ANKHD1: variants seen among roughly 807,000 people sequenced by gnomAD.
The protein encoded by ANKHD1 is ankyrin repeat and KH domain-containing protein 1.
Under a neutral mutation model 230.5 loss-of-function variants are expected in ANKHD1, and 31 were observed. The ratio of observed to expected loss-of-function variants is 0.13; its 90% CI spans 0.10 to 0.18. The LOEUF (loss-of-function observed/expected upper bound fraction) is 0.18, where lower values mean the gene tolerates loss of function less well. Among genes scored for constraint, ANKHD1 ranks in the 10% least tolerant of loss-of-function variants. The pLI is 1.00. For missense variants in ANKHD1, 2,256 were observed against 3,071.3 expected, an observed-to-expected ratio of 0.73 and a Z score of 6.27; for synonymous variants, 1,074 against 1,117.6, an observed-to-expected ratio of 0.96 and a Z score of 0.78.
At chr5:140,423,324 G>T (rs1029105382) in intron 1 of ANKHD1, among the ~76,000 whole-genome samples, 6 of 152,164 alleles carry the variant, frequency 3.9e-5, no homozygotes, top group African/African-American at 1.4e-4. Context: ...TTCTGTGACA[G>T]TCCAAGATAC....
chr5:140,484,102 G>A (rs959922239), intron 11 of ANKHD1, among the ~76,000 whole-genome samples: 3 of 152,158 alleles, frequency 2.0e-5, no homozygotes, highest in African/African-American at 7.2e-5. Flanking sequence ...TTATTGCTGC[G>A]TTTTACCTTT....
At chr5:140,511,703 A>T (rs1432716561) in intron 22 of ANKHD1, among the ~76,000 whole-genome samples, 1 of 152,222 alleles carries the variant, frequency 6.6e-6, no homozygotes, top group East Asian at 1.9e-4. Context: ...ATATAGTGAA[A>T]TGCATGAATC....
rs1284244610 is a variant in ANKHD1, at chr5:140,529,066, C to T, written c.6120C>T (p.Asn2040=). Residue 2040 remains asparagine (N), a synonymous_variant, in exon 29 of 34, where the codon AAC becomes AAT. Transcript: ENST00000360839. ...CCACACAGGACCAGCCCATGGCAAA[C>T]CTATGTACCCCATCTTCAACTGCAA... ...KVSTQDQPMA[N]LCTPSSTANS... is the part of the protein sequence containing the mutation. 1.9e-6 allele frequency: 3 copies of T among 1,613,904 alleles called. No individual in the cohort carries two copies. The highest frequency in any genetic ancestry group is 1.3e-5 in the African/African-American group (1 of 74,918).
At chr5:140,449,384 T>G in intron 7 of ANKHD1, 79 bp downstream of exon 7, 1 of 1,498,538 alleles carries the variant, frequency 6.7e-7, no homozygotes, top group South Asian at 1.2e-5. Flanking sequence ...AGTGATTAAT[T>G]GCCAGTGCGG....
chr5:140,414,471 A>G (rs1771191536), intron 1 of ANKHD1, among the ~76,000 whole-genome samples: 1 of 152,136 alleles, frequency 6.6e-6, no homozygotes, highest in South Asian at 2.1e-4. Context: ...ATCTTTTCAT[A>G]TGCTTATTGG....
intron 8 of ANKHD1, 32 bp downstream of exon 8, chr5:140,458,894 A>G (rs746708176): frequency 2.6e-6 from 4 of 1,547,644 alleles, no homozygotes; most frequent in Non-Finnish European, 1.7e-6. Flanking sequence ...TAGAAAAATC[A>G]GTTTTCTTTG....
chr5:140,492,936 C>T (rs1302457906), intron 14 of ANKHD1, among the ~76,000 whole-genome samples: 2 of 152,064 alleles, frequency 1.3e-5, no homozygotes, highest in Non-Finnish European at 2.9e-5. Flanking sequence ...AAATAAAGGC[C>T]ATGTTTAAGC....
chr5:140,503,468 C>G (rs940815564), intron 15 of ANKHD1, among the ~76,000 whole-genome samples: 1 of 151,676 alleles, frequency 6.6e-6, no homozygotes, highest in Non-Finnish European at 1.5e-5. Context: ...CCTGTTTCCC[C>G]CCGTGGTCAA....
In ANKHD1 at chr5:140,539,588, C is replaced by T; in HGVS notation, c.*170C>T. The T allele has an allele frequency of 1.3e-6, 1 of 742,854 alleles. No homozygotes were observed. The highest frequency in any genetic ancestry group is 2.1e-6 in the Non-Finnish European group (1 of 480,218). The allele number at this position is 742,854 out of a possible 1,614,324, so 46.0% of individuals were successfully genotyped here. A position where few individuals can be genotyped will look rare whatever the true frequency, so the allele number is the denominator to read the frequency against. ...GATTTCCTATCCACCTGATTATGTT[C>T]TCTGGTTAGTTTAGCCATTTTGAAC... On this transcript the variant is annotated 3_prime_UTR_variant, in exon 34 of 34. Coordinates refer to ENST00000360839, the MANE Select transcript of ANKHD1 (RefSeq NM_017747.3).
chr5:140,417,847 T>A (rs1223586609), intron 1 of ANKHD1, among the ~76,000 whole-genome samples: 11 of 146,960 alleles, frequency 7.5e-5, no homozygotes, highest in Admixed American at 7.5e-4. Flanking sequence ...TTTTTTTTTT[T>A]TTTTTTTGAG....
At chr5:140,520,466 A>G (rs1388313534) in intron 24 of ANKHD1, among the ~76,000 whole-genome samples, 2 of 152,156 alleles carry the variant, frequency 1.3e-5, no homozygotes, top group South Asian at 4.1e-4. Flanking sequence ...GCTACTATAA[A>G]GACACATGCA....
intron 6 of ANKHD1, among the ~76,000 whole-genome samples, chr5:140,447,528 G>GT (rs1774386656): frequency 6.6e-6 from 1 of 152,120 alleles, no homozygotes. Context: ...TTCTTACAAT[G>GT]TAACTTTTGA....
chr5:140,505,007 G>C (rs750943443), intron 16 of ANKHD1, 41 bp downstream of exon 16: 1 of 1,609,846 alleles, frequency 6.2e-7, no homozygotes, highest in South Asian at 1.1e-5. Flanking sequence ...TGCACATTCT[G>C]ATCTTCTTTG....
intron 10 of ANKHD1, among the ~76,000 whole-genome samples, chr5:140,481,318 T>A (rs1258748056): frequency 6.6e-6 from 1 of 152,090 alleles, no homozygotes; most frequent in East Asian, 1.9e-4. Flanking sequence ...TGAATGTGAG[T>A]TCAAGATCTA....
chr5:140,525,505 A>G (rs1322339201), intron 25 of ANKHD1, among the ~76,000 whole-genome samples: 1 of 152,172 alleles, frequency 6.6e-6, no homozygotes. Context: ...CAAGTAATCA[A>G]TCCACCTGCC....
At chr5:140,424,491 T>G (rs888707180) in intron 1 of ANKHD1, among the ~76,000 whole-genome samples, 5 of 152,116 alleles carry the variant, frequency 3.3e-5, no homozygotes, top group African/African-American at 1.2e-4. Flanking sequence ...AGATGATATG[T>G]TCAAAAACTA....
chr5:140,427,172 C>G (rs896069900), intron 1 of ANKHD1, among the ~76,000 whole-genome samples: 1 of 147,082 alleles, frequency 6.8e-6, no homozygotes, highest in Non-Finnish European at 1.5e-5. Flanking sequence ...CCCTCCCGGA[C>G]GGGGCAGCTG....
chr5:140,516,969 GCTCCAATTAAAAGACACAGA>G (rs1753045632), intron 24 of ANKHD1, among the ~76,000 whole-genome samples: 1 of 151,972 alleles, frequency 6.6e-6, no homozygotes, highest in Non-Finnish European at 1.5e-5. Context: ...CGGATTAAAT[GCTCCAATTAAAAGACACAGA>G]CTGGCAAATT....
chr5:140,527,195 C>A lies in ANKHD1; in HGVS notation c.5087+121C>A. On this transcript the variant is annotated intron_variant, in intron 27 of 33. Transcript: ENST00000360839. The surrounding 1 kb of genome is among the most constrained non-coding windows in gnomAD (Gnocchi z 4.5). ...GTTATTATTTTAAACTGCATTGCCA[C>A]ACTAAATCCAGAATATGCTAAAGCA... The A allele has an allele frequency of 7.4e-7, 1 of 1,344,306 alleles. No individual in the cohort carries two copies. Among genetic ancestry groups the A allele is most frequent in the Non-Finnish European group, 9.7e-7 (1 of 1,033,302 alleles). The allele number at this position is 1,344,306 out of a possible 1,614,324, so 83.3% of individuals were successfully genotyped here.
Sources: allele counts gnomAD v4.1 joint callset (sites outside exome capture counted in the v4.1 genomes callset), GRCh38; gene constraint gnomAD v4.1.1; non-coding constraint Gnocchi (gnomAD v3.1); transcripts MANE v1.5; gene names NCBI Gene and HGNC (gene_info 2026-07-23, HGNC 2026-07-21).